CSTPP1: variants seen among roughly 807,000 people sequenced by gnomAD.
CSTPP1 encodes the protein centriolar satellite-associated tubulin polyglutamylase complex regulator 1, also known as UPF0705 protein C11orf49.
At chr11:46,940,812 G>A in the CSTPP1 span, among the ~76,000 whole-genome samples, 4 of 152,122 alleles carry the variant, frequency 2.6e-5, no homozygotes, top group Non-Finnish European at 5.9e-5. Context: ...AAGATTTTAT[G>A]TATTTTATTA....
At chr11:47,138,848 G>A in the CSTPP1 span, among the ~76,000 whole-genome samples, 2 of 152,060 alleles carry the variant, frequency 1.3e-5, no homozygotes, top group African/African-American at 2.4e-5. Context: ...GCACGGTTGC[G>A]CTTGCCTGTA....
the CSTPP1 span, among the ~76,000 whole-genome samples, chr11:47,128,615 T>G: frequency 1.8e-4 from 27 of 152,140 alleles, no homozygotes; most frequent in African/African-American, 5.8e-4. Flanking sequence ...CTTGAACTCC[T>G]GGGTTCAAGC....
chr11:46,941,021 C>G, the CSTPP1 span, among the ~76,000 whole-genome samples: 1 of 152,176 alleles, frequency 6.6e-6, no homozygotes, highest in Non-Finnish European at 1.5e-5. Flanking sequence ...GAGAATGAAT[C>G]TACAAACAGA....
the CSTPP1 span, among the ~76,000 whole-genome samples, chr11:47,065,313 C>T: frequency 6.7e-6 from 1 of 149,484 alleles, no homozygotes; most frequent in South Asian, 2.1e-4. Context: ...TTTCTTTCAG[C>T]AATTTTTTTT....
the CSTPP1 span, among the ~76,000 whole-genome samples, chr11:47,051,527 C>T: frequency 2.6e-5 from 4 of 151,964 alleles, no homozygotes; most frequent in Admixed American, 6.6e-5. Flanking sequence ...TGTTTGGACC[C>T]TTTATATCCT....
At chr11:47,052,172 A>T in the CSTPP1 span, 1 of 423,424 alleles carries the variant, frequency 2.4e-6, no homozygotes, top group African/African-American at 2.1e-5. Context: ...GGTGGGAAGC[A>T]CTCAGAGGAA....
chr11:47,017,336 A>AG, the CSTPP1 span, among the ~76,000 whole-genome samples: 1 of 151,702 alleles, frequency 6.6e-6, no homozygotes, highest in African/African-American at 2.4e-5. Flanking sequence ...CACCACGCCC[A>AG]GCTAATTTTT....
At chr11:47,105,844 C>T in the CSTPP1 span, among the ~76,000 whole-genome samples, 1 of 152,174 alleles carries the variant, frequency 6.6e-6, no homozygotes, top group Non-Finnish European at 1.5e-5. Flanking sequence ...AGATGTGTGT[C>T]CTCCAGTTTC....
the CSTPP1 span, among the ~76,000 whole-genome samples, chr11:46,997,347 C>T: frequency 3.3e-5 from 5 of 152,176 alleles, no homozygotes; most frequent in East Asian, 1.9e-4. Flanking sequence ...TTGATCAAAT[C>T]GGCTACTGAA....
chr11:47,146,276 A>C, the CSTPP1 span, among the ~76,000 whole-genome samples: 18 of 151,604 alleles, frequency 1.2e-4, no homozygotes, highest in South Asian at 3.8e-3. Context: ...GAGGCAGGAG[A>C]ATCACTTGAA....
the CSTPP1 span, among the ~76,000 whole-genome samples, chr11:47,139,942 A>C: frequency 6.6e-6 from 1 of 152,098 alleles, no homozygotes; most frequent in African/African-American, 2.4e-5. Flanking sequence ...CCCACTGAAA[A>C]CAAAGCTGCA....
chr11:46,984,868 C>A, the CSTPP1 span, among the ~76,000 whole-genome samples: 4 of 152,200 alleles, frequency 2.6e-5, no homozygotes, highest in South Asian at 8.3e-4. Context: ...AAGGAGAACA[C>A]AGAGGTGAAA....
the CSTPP1 span, among the ~76,000 whole-genome samples, chr11:47,029,366 G>A: frequency 1.3e-5 from 2 of 151,994 alleles, no homozygotes; most frequent in Non-Finnish European, 2.9e-5. Flanking sequence ...CAGCACTTTG[G>A]GAGGCTGAGG....
the CSTPP1 span, among the ~76,000 whole-genome samples, chr11:47,105,331 A>G: frequency 5.3e-5 from 8 of 152,070 alleles, no homozygotes; most frequent in Non-Finnish European, 1.0e-4. Context: ...CTCTCTCAAA[A>G]ACAATAAATA....
chr11:47,161,770 G>C, the CSTPP1 span: 1 of 1,429,632 alleles, frequency 7.0e-7, no homozygotes, highest in Non-Finnish European at 9.1e-7. Flanking sequence ...ACAGCCCCAA[G>C]ACCAGCCAGA....
At chr11:47,109,849 T>C in the CSTPP1 span, among the ~76,000 whole-genome samples, 1 of 152,236 alleles carries the variant, frequency 6.6e-6, no homozygotes, top group Non-Finnish European at 1.5e-5. Context: ...TTCTTTAACA[T>C]GCTAGATTGC....
the CSTPP1 span, among the ~76,000 whole-genome samples, chr11:47,091,059 A>G: frequency 2.0e-5 from 3 of 148,902 alleles, no homozygotes; most frequent in Admixed American, 2.0e-4. Context: ...AAAAAAAAAA[A>G]AAAAAAGATA....
At chr11:47,121,509 A>C in the CSTPP1 span, among the ~76,000 whole-genome samples, 5 of 152,368 alleles carry the variant, frequency 3.3e-5, no homozygotes, top group African/African-American at 1.2e-4. Flanking sequence ...AAGTTGATCC[A>C]ATCTATGACT....
the CSTPP1 span, among the ~76,000 whole-genome samples, chr11:47,036,057 T>TATATATATATA: frequency 8.8e-4 from 7 of 7,966 alleles, 2 homozygotes; most frequent in Admixed American, 7.0e-3. Context: ...ATATATATAT[T>TATATATATATA]ATATATATAT....
Sources: allele counts gnomAD v4.1 joint callset (sites outside exome capture counted in the v4.1 genomes callset), GRCh38; gene constraint gnomAD v4.1.1; transcripts MANE v1.5; gene names NCBI Gene and HGNC (gene_info 2026-07-23, HGNC 2026-07-21).